The following CHN1 variants were observed in gnomAD, a reference collection of about 807,000 sequenced individuals.
CHN1 encodes chimerin 1.
CHN1 carries 37 observed loss-of-function variants against 59.5 expected under a neutral mutation model. The ratio of observed to expected loss-of-function variants is 0.62; its 90% CI spans 0.48 to 0.82. The LOEUF is 0.82. CHN1 is among the 40% of genes least tolerant of loss of function. CHN1 has a pLI of 0.00. For missense variants in CHN1, 469 were observed against 571.0 expected (o/e 0.82, Z 1.82); for synonymous variants, 206 against 200.4 (o/e 1.03, Z -0.24).
In CHN1 at chr2:174,960,608, C is replaced by G. The variant is rs374185462; in HGVS notation, c.20-8406G>C. Among the ~76,000 whole-genome samples the G allele has an allele frequency of 2.6e-5, 4 of 151,220 alleles. No homozygotes were observed. In the East Asian group the frequency reaches 7.8e-4, roughly 30 times the overall value. ...CTGTAATCCCAGCACTCTGGGAGGC[C>G]AAGGCGGGTGGATCACAAGGTCAGG... On this transcript the variant is annotated intron_variant, in intron 1 of 12. Transcript: ENST00000409900.
At chr2:174,955,433 C>A (rs975353591) in intron 1 of CHN1, among the ~76,000 whole-genome samples, 1 of 151,646 alleles carries the variant, frequency 6.6e-6, no homozygotes, top group African/African-American at 2.4e-5. Context: ...GGGAGTTAAG[C>A]TATGAGGACA....
intron 6 of CHN1, among the ~76,000 whole-genome samples, chr2:174,868,972 C>G (rs550564905): frequency 6.6e-6 from 1 of 152,276 alleles, no homozygotes; most frequent in East Asian, 1.9e-4. Flanking sequence ...ACTCAGAGAG[C>G]AGGGGATGCT....
chr2:174,920,072 TTAACA>T (rs1211689346), intron 3 of CHN1, among the ~76,000 whole-genome samples: 2 of 152,212 alleles, frequency 1.3e-5, no homozygotes, highest in Non-Finnish European at 2.9e-5. Context: ...TTTGTTTCAC[TTAACA>T]TAAGGTCCTC....
At chr2:174,996,646 A>G (rs979671975) in intron 1 of CHN1, among the ~76,000 whole-genome samples, 1 of 152,096 alleles carries the variant, frequency 6.6e-6, no homozygotes, top group South Asian at 2.1e-4. Context: ...ACATGCTACG[A>G]AAGTACCATC....
intron 3 of CHN1, among the ~76,000 whole-genome samples, chr2:174,919,453 G>GTT (rs1264173131): frequency 6.6e-6 from 1 of 152,070 alleles, no homozygotes; most frequent in Non-Finnish European, 1.5e-5. Context: ...CTTTTCCCTA[G>GTT]TAGGTACTTT....
intron 5 of CHN1, among the ~76,000 whole-genome samples, chr2:174,894,398 A>G (rs1688145398): frequency 6.6e-6 from 1 of 152,218 alleles, no homozygotes; most frequent in Admixed American, 6.5e-5. Context: ...CATCAGGGAA[A>G]TGCAAATCAA....
intron 2 of CHN1, among the ~76,000 whole-genome samples, chr2:174,950,329 C>A (rs138026009): frequency 9.3e-4 from 140 of 151,330 alleles, no homozygotes; most frequent in Middle Eastern, 3.4e-3. Context: ...TGCAAAGGTG[C>A]GATCTCAGCT....
At chr2:174,918,199 CAT>C (rs898579057) in intron 4 of CHN1, among the ~76,000 whole-genome samples, 10 of 152,090 alleles carry the variant, frequency 6.6e-5, no homozygotes, top group African/African-American at 2.2e-4. Context: ...ACTGTACATA[CAT>C]GTGTGTGTAT....
In CHN1 at chr2:174,878,094, A is replaced by C. The variant is rs187482682; in HGVS notation, c.295T>G (p.Tyr99Asp). The C allele has an allele frequency of 6.3e-7, 1 of 1,590,064 alleles. No homozygotes were observed. The highest frequency in any genetic ancestry group is 8.6e-7 in the Non-Finnish European group (1 of 1,165,120). ...TCCCCAACAAAGTGCTTGCCATCGT[A>C]GTAGAGCCTGAAGTTTCTGGTTTGA... ...GSQTRNFRLY[Y>D]DGKHFVGEKR... is the part of the protein sequence containing the mutation. Residue 99 changes from tyrosine (Y) to aspartate (D), a missense_variant, in exon 6 of 13, where the codon TAC becomes GAC. Coordinates refer to ENST00000409900, the MANE Select transcript of CHN1 (RefSeq NM_001822.7).
chr2:174,847,674 T>C (rs1411457105), intron 6 of CHN1: 2 of 1,305,608 alleles, frequency 1.5e-6, no homozygotes, highest in South Asian at 1.3e-5. Flanking sequence ...AGATAACCAA[T>C]GAAAATCAAG....
intron 3 of CHN1, among the ~76,000 whole-genome samples, chr2:174,922,542 TA>T (rs1689044374): frequency 6.6e-6 from 1 of 152,074 alleles, no homozygotes; most frequent in South Asian, 2.1e-4. Flanking sequence ...TATTTTTAAA[TA>T]TTTTTTTGGT....
chr2:174,867,948 G>A (rs1483768158), intron 6 of CHN1, among the ~76,000 whole-genome samples: 1 of 152,062 alleles, frequency 6.6e-6, no homozygotes, highest in Non-Finnish European at 1.5e-5. Context: ...ATGAACATGG[G>A]TTACTTAAAA....
intron 1 of CHN1, among the ~76,000 whole-genome samples, chr2:174,986,814 G>A (rs1438626337): frequency 6.6e-6 from 1 of 152,254 alleles, no homozygotes; most frequent in East Asian, 1.9e-4. Flanking sequence ...TGGGCTCAGT[G>A]CAACCTCTGC....
chr2:174,970,633 A>C (rs1235080100), intron 1 of CHN1, among the ~76,000 whole-genome samples: 1 of 152,248 alleles, frequency 6.6e-6, no homozygotes, highest in Non-Finnish European at 1.5e-5. Context: ...TATTTTTGAA[A>C]TGACAAACGT....
intron 8 of CHN1, among the ~76,000 whole-genome samples, chr2:174,815,734 AT>A (rs1685229171): frequency 6.7e-6 from 1 of 148,308 alleles, no homozygotes; most frequent in Non-Finnish European, 1.5e-5. Context: ...GTCCTTTTTT[AT>A]TTTTTTCCTG....
intron 2 of CHN1, 101 bp from the exon 3 acceptor site, chr2:174,945,044 C>A: frequency 2.6e-6 from 2 of 772,676 alleles, no homozygotes; most frequent in South Asian, 1.8e-5. Context: ...CACAAGAAAA[C>A]TGGTATAACC....
At chr2:174,978,718 A>G (rs1691037080) in intron 1 of CHN1, among the ~76,000 whole-genome samples, 1 of 152,232 alleles carries the variant, frequency 6.6e-6, no homozygotes, top group Admixed American at 6.5e-5. Context: ...TCTGGATTTT[A>G]AATATATCTT....
chr2:174,806,918 GTAT>G (rs2105376642), intron 11 of CHN1, among the ~76,000 whole-genome samples: 1 of 152,228 alleles, frequency 6.6e-6, no homozygotes, highest in East Asian at 1.9e-4. Context: ...TTATATATTG[GTAT>G]TATGCCAGGG....
chr2:174,950,946 AT>A (rs1469007118), intron 2 of CHN1, among the ~76,000 whole-genome samples: 1 of 151,820 alleles, frequency 6.6e-6, no homozygotes, highest in Admixed American at 6.6e-5. Context: ...CGCCTAGCTA[AT>A]TTTTGTATTT....
Sources: gnomAD v4.1 joint callset for allele counts (sites outside exome capture counted in the v4.1 genomes callset) on GRCh38, gnomAD v4.1.1 for gene constraint, MANE v1.5 for transcripts, NCBI Gene and HGNC (gene_info 2026-07-23, HGNC 2026-07-21) for gene names.